Variants in MAP3K13 observed in about 807,000 individuals in gnomAD.
MAP3K13 encodes leucine zipper-bearing kinase.
A neutral mutation model predicts 104.0 loss-of-function variants in MAP3K13; 52 were observed. That is an observed-to-expected ratio of 0.50 (90% CI 0.40 to 0.63). The LOEUF (loss-of-function observed/expected upper bound fraction) is 0.63. Among genes scored for constraint, MAP3K13 ranks in the 20% least tolerant of loss-of-function variants. The pLI is 0.00. For missense variants in MAP3K13, 914 were observed against 1,218.5 expected (o/e 0.75, Z 3.72); for synonymous variants, 394 against 442.2 (o/e 0.89, Z 1.37).
At chr3:185,285,495 T>C in intron 1 of MAP3K13, 1 of 774,670 alleles carries the variant, frequency 1.3e-6, no homozygotes, top group Admixed American at 2.2e-5. Context: ...GGTCTGTACA[T>C]TGACATTCTT....
At chr3:185,284,080 G>C (rs1019931828) in intron 1 of MAP3K13, among the ~76,000 whole-genome samples, 2 of 151,508 alleles carry the variant, frequency 1.3e-5, no homozygotes, top group East Asian at 3.9e-4. Flanking sequence ...TGTATTTTTA[G>C]TAGAGCCTCG....
chr3:185,478,983 TG>T (rs776252266), intron 12 of MAP3K13, among the ~76,000 whole-genome samples: 3 of 152,238 alleles, frequency 2.0e-5, no homozygotes, highest in Admixed American at 6.5e-5. Flanking sequence ...TGTTTTCTTA[TG>T]TTTTTTTAAG....
At chr3:185,297,675 C>T (rs1047137772) in intron 2 of MAP3K13, among the ~76,000 whole-genome samples, 2 of 149,538 alleles carry the variant, frequency 1.3e-5, no homozygotes, top group African/African-American at 4.9e-5. Flanking sequence ...GCGGAGGTTG[C>T]AATGAGCTGA....
intron 1 of MAP3K13, among the ~76,000 whole-genome samples, chr3:185,404,874 G>A (rs1713026110): frequency 2.0e-5 from 3 of 152,252 alleles, no homozygotes; most frequent in Admixed American, 6.5e-5. Flanking sequence ...GAGCCACCGC[G>A]CGCAGCCCTA....
intron 2 of MAP3K13, among the ~76,000 whole-genome samples, chr3:185,324,194 A>T (rs1046776855): frequency 1.3e-5 from 2 of 151,356 alleles, no homozygotes; most frequent in African/African-American, 4.9e-5. Context: ...TTTATTTTTT[A>T]TTTTTAGTAG....
rs1226689810 is a variant in MAP3K13 at position 185,418,940 on chromosome 3, C to T, written c.-85-9557C>T. Among the ~76,000 whole-genome samples, 1 of 152,058 alleles carries T rather than the reference C, an allele frequency of 6.6e-6. No homozygotes were observed. The highest frequency in any genetic ancestry group is 1.5e-5 in the Non-Finnish European group (1 of 67,986). ...ATCTCATTAGTAGAAAAGGTAAAAA[C>T]AAAATAGGAGTCATTAACTTTTGTT... On this transcript the variant is annotated intron_variant, in intron 1 of 13. Coordinates refer to ENST00000265026, the MANE Select transcript of MAP3K13 (RefSeq NM_004721.5). The surrounding 1 kb of genome is among the most constrained non-coding windows in gnomAD (Gnocchi z 4.5).
intron 1 of MAP3K13, among the ~76,000 whole-genome samples, chr3:185,384,308 CTGTGTGTGTG>C (rs142627913): frequency 2.4e-4 from 36 of 147,576 alleles, no homozygotes; most frequent in African/African-American, 8.3e-4. Flanking sequence ...GTATTCCATT[CTGTGTGTGTG>C]TGTGTGTGTG....
rs974097452 is a variant in MAP3K13, at chr3:185,488,069, T to G, written c.*5613T>G. 2 of 152,240 alleles carry G rather than the reference T, an allele frequency of 1.3e-5. No individual in the cohort carries two copies. Among genetic ancestry groups the G allele is most frequent in the Non-Finnish European group, 2.9e-5 (2 of 68,040 alleles). The allele number at this position is 152,240 out of a possible 1,614,324, so 9.4% of individuals were successfully genotyped here. A position where few individuals can be genotyped will look rare whatever the true frequency, so the allele number is the denominator to read the frequency against. ...GATCCCATTCCAAAATGTCTCTTCATTCACATCATTTAATTCTGTTGAATG... is the reference window on the plus strand; with the variant it reads ...GATCCCATTCCAAAATGTCTCTTCAGTCACATCATTTAATTCTGTTGAATG... On this transcript the variant is annotated 3_prime_UTR_variant, in exon 14 of 14. Transcript: ENST00000265026.
intron 1 of MAP3K13, among the ~76,000 whole-genome samples, chr3:185,384,479 C>T (rs567685588): frequency 2.5e-4 from 38 of 152,226 alleles, no homozygotes; most frequent in African/African-American, 8.9e-4. Flanking sequence ...TGGATAAATA[C>T]CCCATAGTGA....
chr3:185,286,399 G>T (rs1261854195), intron 2 of MAP3K13, among the ~76,000 whole-genome samples: 1 of 151,778 alleles, frequency 6.6e-6, no homozygotes, highest in African/African-American at 2.4e-5. Context: ...TAATTCTATA[G>T]CAGGCAGTAC....
intron 7 of MAP3K13, among the ~76,000 whole-genome samples, chr3:185,462,345 G>A (rs1717155019): frequency 6.6e-6 from 1 of 152,078 alleles, no homozygotes; most frequent in South Asian, 2.1e-4. Flanking sequence ...GTACATTTCT[G>A]GGAGAGTGAT....
chr3:185,353,962 G>A (rs1723242608), intron 2 of MAP3K13, among the ~76,000 whole-genome samples: 1 of 152,100 alleles, frequency 6.6e-6, no homozygotes, highest in Non-Finnish European at 1.5e-5. Context: ...CTGGGTAAGA[G>A]GGTGGCAGTG....
intron 2 of MAP3K13, among the ~76,000 whole-genome samples, chr3:185,291,182 C>A (rs1420282118): frequency 1.3e-5 from 2 of 152,162 alleles, no homozygotes; most frequent in Non-Finnish European, 2.9e-5. Flanking sequence ...TTCCCTACCC[C>A]ACAAAGTGAA....
intron 1 of MAP3K13, among the ~76,000 whole-genome samples, chr3:185,417,331 A>C (rs1713835979): frequency 6.6e-6 from 1 of 152,174 alleles, no homozygotes; most frequent in Non-Finnish European, 1.5e-5. Context: ...CTTCACATGT[A>C]ATTCATCTGG....
intron 3 of MAP3K13, among the ~76,000 whole-genome samples, chr3:185,443,198 G>A (rs1214568906): frequency 6.6e-6 from 1 of 152,062 alleles, no homozygotes; most frequent in Admixed American, 6.5e-5. Context: ...CACAGAAAAG[G>A]CACCAGACAC....
chr3:185,383,989 A>G (rs2108761642), intron 1 of MAP3K13, among the ~76,000 whole-genome samples: 1 of 152,282 alleles, frequency 6.6e-6, no homozygotes, highest in East Asian at 1.9e-4. Context: ...GAAATATACA[A>G]TAAATTGTTG....
In MAP3K13 at chr3:185,482,596, C is replaced by G; in HGVS notation, c.*140C>G. 2 of 603,504 alleles carry G rather than the reference C, an allele frequency of 3.3e-6. No individual in the cohort carries two copies. The highest frequency in any genetic ancestry group is 2.1e-5 in the South Asian group (1 of 46,668). 37.4% of individuals were successfully genotyped at this position (603,504 alleles called of 1,614,324 possible). A position where few individuals can be genotyped will look rare whatever the true frequency, so the allele number is the denominator to read the frequency against. ...ATCTTTACCACCCCCTAGAAATGAG[C>G]TGCAATAACAGGAACATGAGACTTC... On this transcript the variant is annotated 3_prime_UTR_variant, in exon 14 of 14. Transcript: ENST00000265026. This position sits in a 1 kb window ranked among gnomAD's most constrained non-coding sequence, Gnocchi z 4.5.
chr3:185,355,197 C>T (rs1483512517), intron 2 of MAP3K13, among the ~76,000 whole-genome samples: 1 of 152,142 alleles, frequency 6.6e-6, no homozygotes, highest in African/African-American at 2.4e-5. Flanking sequence ...TAAGGCCGGG[C>T]ACGGTGGTTC....
In MAP3K13 at chr3:185,400,130, A is replaced by G. The variant is rs78123544; in HGVS notation, c.-85-28367A>G. Reference sequence around the variant, plus strand: ...AGTTCTCTGTCCACAGGAGAAAAGAAAAAAATCCTCGAATCCACCTTTCCA... The same window carrying G: ...AGTTCTCTGTCCACAGGAGAAAAGAGAAAAATCCTCGAATCCACCTTTCCA... On this transcript the variant is annotated intron_variant, in intron 1 of 13. Transcript: ENST00000265026. Among the ~76,000 whole-genome samples, 1,359 of 152,298 alleles carry G rather than the reference A, an allele frequency of 8.9e-3. 21 individuals are homozygous for G. The highest frequency in any genetic ancestry group is 0.031 in the African/African-American group (1,304 of 41,568).
Sources: gnomAD v4.1 joint callset for allele counts (sites outside exome capture counted in the v4.1 genomes callset) on GRCh38, gnomAD v4.1.1 for gene constraint, Gnocchi (gnomAD v3.1) non-coding constraint, MANE v1.5 for transcripts, NCBI Gene and HGNC (gene_info 2026-07-23, HGNC 2026-07-21) for gene names.